The following MYLK variants were observed in gnomAD, a reference collection of about 807,000 sequenced individuals.
MYLK encodes the protein myosin light chain kinase, smooth muscle.
In MYLK, 106 loss-of-function variants were observed where a neutral mutation model predicts 203.4. The observed-to-expected ratio is 0.52, with a 90% CI of 0.45 to 0.61. The LOEUF (loss-of-function observed/expected upper bound fraction) is 0.61, where lower values mean the gene tolerates loss of function less well. Ranked by LOEUF, MYLK falls within the 20% of genes least tolerant of loss-of-function variation. MYLK has a pLI of 0.00. For synonymous variants in MYLK, 867 were observed against 959.5 expected (o/e 0.90, Z 1.78); for missense variants, 2,072 against 2,442.3 (o/e 0.85, Z 3.20).
chr3:123,647,374 C>A lies in MYLK; in HGVS notation c.4469G>T (p.Trp1490Leu), dbSNP rs748327698. The A allele has an allele frequency of 1.6e-5, 26 of 1,614,248 alleles. 1 individual carries two copies. The South Asian group carries it at 2.7e-4, about 17-fold the overall frequency. The change falls in exon 27 of 34, where the codon TGG becomes TTG. Residue 1490 changes from tryptophan (W) to leucine (L), a missense_variant. This residue lies in a region of MYLK where 524 missense variants were observed against 782.4 expected (regional missense o/e 0.67). Transcript: ENST00000360304. Reference protein sequence around the residue: ...RLVEKKTRKVWAGKFFKAYSA... With the variant: ...RLVEKKTRKVLAGKFFKAYSA... ...ATATGCCTTGAAGAACTTCCCTGCC[C>A]AGACTTTTCGAGTTTTCTTTTCTAC...
intron 2 of MYLK, among the ~76,000 whole-genome samples, chr3:123,850,103 A>G (rs553214323): frequency 1.0e-3 from 152 of 152,294 alleles, no homozygotes; most frequent in Admixed American, 7.2e-3. Flanking sequence ...ATAGTATTCC[A>G]TGGTGTATAT....
At chr3:123,744,437 GATGT>G (rs1004501026) in intron 5 of MYLK, among the ~76,000 whole-genome samples, 1 of 152,106 alleles carries the variant, frequency 6.6e-6, no homozygotes, top group Non-Finnish European at 1.5e-5. Context: ...CAAATAAAAA[GATGT>G]ATTATATAAA....
chr3:123,689,391 T>C (rs2060576601), intron 19 of MYLK, among the ~76,000 whole-genome samples: 1 of 151,868 alleles, frequency 6.6e-6, no homozygotes. Flanking sequence ...CTCAGGGAGG[T>C]CTGGATCACT....
At chr3:123,720,041 G>A (rs766751672) in intron 13 of MYLK, among the ~76,000 whole-genome samples, 1 of 152,208 alleles carries the variant, frequency 6.6e-6, no homozygotes, top group Non-Finnish European at 1.5e-5. Flanking sequence ...GTGCGGCTGC[G>A]TCTTCAGCCT....
rs555769606 is a variant in MYLK at position 123,763,878 on chromosome 3, G to T, written c.166-11340C>A. 9.1e-4 allele frequency among the ~76,000 whole-genome samples: 138 copies of T among 152,166 alleles called. 3 individuals are homozygous for T. In the South Asian group the frequency reaches 0.017, roughly 19 times the overall value. ...CAGTTTTGAGGAATGTTTGTGTTTT[G>T]AGAATTCTCTCTCTACTGTTTTCCT... On this transcript the variant is annotated intron_variant, in intron 4 of 33. Transcript: ENST00000360304.
intron 3 of MYLK, among the ~76,000 whole-genome samples, chr3:123,798,766 C>T (rs1189452171): frequency 6.6e-6 from 1 of 152,114 alleles, no homozygotes; most frequent in Non-Finnish European, 1.5e-5. Flanking sequence ...CAGAGCCCAG[C>T]CACACCAAAC....
At chr3:123,859,981 C>CTT (rs2031752390) in intron 2 of MYLK, among the ~76,000 whole-genome samples, 1 of 151,784 alleles carries the variant, frequency 6.6e-6, no homozygotes, top group Non-Finnish European at 1.5e-5. Flanking sequence ...AAAAAAACTC[C>CTT]CCCTCAGAAG....
chr3:123,851,354 T>C (rs1291325558), intron 2 of MYLK, among the ~76,000 whole-genome samples: 1 of 152,222 alleles, frequency 6.6e-6, no homozygotes, highest in African/African-American at 2.4e-5. Context: ...AGTTTCATGA[T>C]ATTGATTCTT....
chr3:123,692,500 A>C, intron 19 of MYLK: 1 of 913,214 alleles, frequency 1.1e-6, no homozygotes, highest in Non-Finnish European at 1.6e-6. Flanking sequence ...GGAGGGGGAC[A>C]GGACAGCCAG....
At chr3:123,737,899 A>G (rs2062733685) in intron 7 of MYLK, among the ~76,000 whole-genome samples, 1 of 152,162 alleles carries the variant, frequency 6.6e-6, no homozygotes, top group African/African-American at 2.4e-5. Context: ...GGAAGCAGGT[A>G]AAAGGTGTCA....
chr3:123,826,016 C>A (rs569277013), intron 3 of MYLK, among the ~76,000 whole-genome samples: 1 of 152,360 alleles, frequency 6.6e-6, no homozygotes, highest in South Asian at 2.1e-4. Context: ...TAGCATCCCC[C>A]CTTTGCAGGC....
chr3:123,829,289 G>A (rs553431049), intron 3 of MYLK, among the ~76,000 whole-genome samples: 5 of 152,172 alleles, frequency 3.3e-5, no homozygotes, highest in African/African-American at 7.2e-5. Flanking sequence ...TGCCATTTGC[G>A]GCAACACGGA....
At chr3:123,620,595 C>T in intron 31 of MYLK, 12 of 1,274,574 alleles carry the variant, frequency 9.4e-6, no homozygotes, top group Non-Finnish European at 1.1e-5. Context: ...ACAAGGTCAA[C>T]ATGAGACAAA....
intron 2 of MYLK, among the ~76,000 whole-genome samples, chr3:123,836,092 C>A (rs1403190709): frequency 6.6e-6 from 1 of 152,184 alleles, no homozygotes; most frequent in East Asian, 1.9e-4. Context: ...TCCTTTGTAT[C>A]TTTGGGTCTT....
At chr3:123,712,910 A>G (rs1039535026) in intron 13 of MYLK, among the ~76,000 whole-genome samples, 4 of 152,260 alleles carry the variant, frequency 2.6e-5, no homozygotes, top group African/African-American at 9.6e-5. Flanking sequence ...CTTGGGCTCA[A>G]TTACTCAATG....
Position 123,657,323 on chromosome 3 carries a change from T to C in MYLK, c.4091A>G (p.Gln1364Arg). 1 of 1,613,992 alleles carries C rather than the reference T, an allele frequency of 6.2e-7. No homozygotes were observed. Among genetic ancestry groups the C allele is most frequent in the Admixed American group, 1.7e-5 (1 of 60,028 alleles). Residue 1364 changes from glutamine (Q) to arginine (R), a missense_variant, in exon 24 of 34, where the codon CAG (glutamine) becomes CGG (arginine). Physicochemically the swap from Gln to Arg is conservative, Grantham distance 43. Transcript: ENST00000360304. ...GTCCCAGATCTCGATGCTGTAGGACTGTACAGCACTGCCCCCATCATATGA... is the reference window on the plus strand; with the variant it reads ...GTCCCAGATCTCGATGCTGTAGGACCGTACAGCACTGCCCCCATCATATGA... ...GSSYDGGSAV[Q>R]SYSIEIWDSA...
At chr3:123,793,406 G>C (rs1309050682) in intron 4 of MYLK, among the ~76,000 whole-genome samples, 4 of 152,062 alleles carry the variant, frequency 2.6e-5, no homozygotes, top group Non-Finnish European at 5.9e-5. Flanking sequence ...TAATTATATA[G>C]CATGTACCCA....
intron 13 of MYLK, among the ~76,000 whole-genome samples, chr3:123,714,098 C>T (rs1268250944): frequency 3.3e-5 from 5 of 152,296 alleles, no homozygotes; most frequent in Middle Eastern, 3.4e-3. Flanking sequence ...TAAAGCCCAG[C>T]GCTCCAGGAT....
rs185608487 is a variant in MYLK at position 123,657,570 on chromosome 3, C to T, written c.3986-142G>A. 56 of 774,420 alleles carry T rather than the reference C, an allele frequency of 7.2e-5. 1 individual carries two copies. Among genetic ancestry groups the T allele is most frequent in the East Asian group, 4.8e-4 (18 of 37,458 alleles). The allele number at this position is 774,420 out of a possible 1,614,324, so 48.0% of individuals were successfully genotyped here. On this transcript the variant is annotated intron_variant, in intron 23 of 33. Coordinates refer to ENST00000360304, the MANE Select transcript of MYLK (RefSeq NM_053025.4). Reference sequence around the variant, plus strand: ...TGGTCCTGCGTCTCTTTCCCTCATCCGCACATCACAGTTAGAGCTATGTAC... The same window carrying T: ...TGGTCCTGCGTCTCTTTCCCTCATCTGCACATCACAGTTAGAGCTATGTAC...
Sources: allele counts gnomAD v4.1 joint callset (sites outside exome capture counted in the v4.1 genomes callset), GRCh38; gene constraint gnomAD v4.1.1; regional missense constraint gnomAD v4.1.1; transcripts MANE v1.5; gene names NCBI Gene and HGNC (gene_info 2026-07-23, HGNC 2026-07-21).